Variants in KCNT2 observed in about 807,000 individuals in gnomAD.
KCNT2 encodes the protein potassium channel subfamily T member 2.
In KCNT2, 67 loss-of-function variants were observed where a neutral mutation model predicts 153.8. The ratio of observed to expected loss-of-function variants is 0.44; its 90% confidence interval spans 0.36 to 0.53. The LOEUF (loss-of-function observed/expected upper bound fraction) is 0.53. Among genes scored for constraint, KCNT2 ranks in the 20% least tolerant of loss-of-function variants. KCNT2 has a pLI of 0.00. For synonymous variants in KCNT2, 500 were observed against 458.8 expected (o/e 1.09, Z -1.15); for missense variants, 975 against 1,354.8 (o/e 0.72, Z 4.40).
chr1:196,385,581 T>C (rs1020145909), intron 13 of KCNT2, among the ~76,000 whole-genome samples: 1 of 152,036 alleles, frequency 6.6e-6, no homozygotes, highest in Non-Finnish European at 1.5e-5. Context: ...ATAAATTTTA[T>C]ATACAAATGC....
chr1:196,391,342 T>C (rs949508351), intron 13 of KCNT2, among the ~76,000 whole-genome samples: 8 of 151,404 alleles, frequency 5.3e-5, no homozygotes, highest in African/African-American at 1.9e-4. Flanking sequence ...TGAAAAAGTA[T>C]TTAAGAGTGA....
chr1:196,570,426 A>G (rs927760884), intron 1 of KCNT2, among the ~76,000 whole-genome samples: 10 of 152,256 alleles, frequency 6.6e-5, no homozygotes, highest in Admixed American at 5.2e-4. Context: ...AAAATGTGCA[A>G]AGGAAGAGAG....
chr1:196,303,918 G>C (rs1315788044), intron 22 of KCNT2, among the ~76,000 whole-genome samples: 1 of 152,148 alleles, frequency 6.6e-6, no homozygotes, highest in Non-Finnish European at 1.5e-5. Flanking sequence ...TCAAGTCTGA[G>C]TCAATTTAGC....
intron 1 of KCNT2, among the ~76,000 whole-genome samples, chr1:196,591,378 T>C (rs1663345177): frequency 2.0e-5 from 3 of 152,096 alleles, no homozygotes; most frequent in Admixed American, 2.0e-4. Context: ...AAAATTAATC[T>C]CTTTATAAAT....
chr1:196,591,668 A>C (rs1572916323), intron 1 of KCNT2, among the ~76,000 whole-genome samples: 1 of 152,172 alleles, frequency 6.6e-6, no homozygotes, highest in Non-Finnish European at 1.5e-5. Flanking sequence ...TGTATGTCTT[A>C]TCTCTCCAGC....
intron 1 of KCNT2, among the ~76,000 whole-genome samples, chr1:196,514,184 C>A (rs1379009318): frequency 1.3e-5 from 2 of 152,180 alleles, no homozygotes; most frequent in African/African-American, 4.8e-5. Context: ...GAACCCAACA[C>A]AGGGCCAGAT....
chr1:196,328,895 G>A (rs1325813924), intron 18 of KCNT2, among the ~76,000 whole-genome samples: 1 of 152,076 alleles, frequency 6.6e-6, no homozygotes, highest in Admixed American at 6.6e-5. Context: ...TTGAAAGGGT[G>A]CTTGGAGAAT....
At chr1:196,523,493 C>T (rs550461734) in intron 1 of KCNT2, among the ~76,000 whole-genome samples, 23 of 152,294 alleles carry the variant, frequency 1.5e-4, no homozygotes, top group South Asian at 1.0e-3. Flanking sequence ...ATCTATTCAC[C>T]GCTACTTTAT....
chr1:196,575,458 G>A (rs1052790185), intron 1 of KCNT2, among the ~76,000 whole-genome samples: 2 of 152,002 alleles, frequency 1.3e-5, no homozygotes, highest in South Asian at 2.1e-4. Flanking sequence ...CCCACCTAAC[G>A]TCTAATGGGA....
chr1:196,467,004 A>T (rs945511526), intron 7 of KCNT2, among the ~76,000 whole-genome samples: 4 of 152,000 alleles, frequency 2.6e-5, no homozygotes, highest in Admixed American at 1.3e-4. Context: ...ACCCCGCTCA[A>T]GCAAATCCAG....
chr1:196,315,802 T>G (rs907536225), intron 21 of KCNT2, 90 bp downstream of exon 21: 4 of 1,157,546 alleles, frequency 3.5e-6, no homozygotes, highest in Non-Finnish European at 4.8e-6. Context: ...TTGGTGTGTC[T>G]CATGTTCATT....
At chr1:196,553,272 G>T (rs1358850243) in intron 1 of KCNT2, among the ~76,000 whole-genome samples, 1 of 151,084 alleles carries the variant, frequency 6.6e-6, no homozygotes, top group Non-Finnish European at 1.5e-5. Context: ...AGACAAAATA[G>T]ATTTCAAGAC....
In KCNT2 at chr1:196,429,775, C is replaced by T. The variant is rs983896585; in HGVS notation, c.639-18G>A. On this transcript the variant is annotated intron_variant, in intron 8 of 27. Coordinates refer to ENST00000294725, the MANE Select transcript of KCNT2 (RefSeq NM_198503.5). ...CACAAATGCTAAAGAAACAAATATG[C>T]ATTACAATTAAATCTTTCAAACTGG... 3.2e-6 allele frequency: 5 copies of T among 1,540,922 alleles called. No individual in the cohort carries two copies. The highest frequency in any genetic ancestry group is 3.9e-5 in the Admixed American group (2 of 50,816).
intron 1 of KCNT2, among the ~76,000 whole-genome samples, chr1:196,501,541 T>C (rs897226990): frequency 9.2e-5 from 14 of 152,090 alleles, no homozygotes; most frequent in African/African-American, 3.4e-4. Context: ...AGCTAAACAA[T>C]GGGTACACAT....
intron 22 of KCNT2, among the ~76,000 whole-genome samples, chr1:196,299,030 A>G (rs1197533286): frequency 1.3e-5 from 2 of 151,984 alleles, no homozygotes; most frequent in Non-Finnish European, 2.9e-5. Flanking sequence ...GATCATTCAA[A>G]AGCAATTTTA....
At chr1:196,257,096 G>T (rs974944369) in intron 26 of KCNT2, 2 of 253,328 alleles carry the variant, frequency 7.9e-6, no homozygotes, top group Non-Finnish European at 1.2e-5. Context: ...GTATGTCTTT[G>T]AGCAAAGTCT....
intron 1 of KCNT2, among the ~76,000 whole-genome samples, chr1:196,545,161 AT>A (rs1312901661): frequency 1.3e-5 from 2 of 152,104 alleles, no homozygotes; most frequent in Non-Finnish European, 2.9e-5. Flanking sequence ...GGAACCTCTC[AT>A]AATTGCTATA....
chr1:196,481,250 C>T (rs955303821), intron 4 of KCNT2, among the ~76,000 whole-genome samples: 4 of 152,032 alleles, frequency 2.6e-5, no homozygotes, highest in Admixed American at 2.0e-4. Flanking sequence ...TCACAATCAT[C>T]GTGACTTTGA....
chr1:196,409,186 T>C (rs373160281), intron 12 of KCNT2, among the ~76,000 whole-genome samples: 1 of 151,400 alleles, frequency 6.6e-6, no homozygotes, highest in Non-Finnish European at 1.5e-5. Flanking sequence ...TCCACTTATA[T>C]ATGATTAGTA....
Sources: allele counts gnomAD v4.1 joint callset (sites outside exome capture counted in the v4.1 genomes callset), GRCh38; gene constraint gnomAD v4.1.1; transcripts MANE v1.5; gene names NCBI Gene and HGNC (gene_info 2026-07-23, HGNC 2026-07-21).